KCNH5: variants seen among roughly 807,000 people sequenced by gnomAD.
KCNH5 encodes the protein potassium voltage-gated channel subfamily H member 5, also known as voltage-gated delayed rectifier potassium channel KCNH5.
Under a neutral mutation model 96.1 loss-of-function variants are expected in KCNH5, and 46 were observed. The observed-to-expected ratio is 0.48, with a 90% CI of 0.38 to 0.61. KCNH5 has a LOEUF of 0.61. Among genes scored for constraint, KCNH5 ranks in the 20% least tolerant of loss-of-function variants. The probability of loss-of-function intolerance (pLI) is 0.00; values close to 1 mark genes in which losing one functional copy is unlikely to be tolerated. For synonymous variants in KCNH5, 439 were observed against 449.8 expected, an observed-to-expected ratio of 0.98 and a Z score of 0.30; for missense variants, 907 against 1,225.8, an observed-to-expected ratio of 0.74 and a Z score of 3.88.
intron 6 of KCNH5, among the ~76,000 whole-genome samples, chr14:62,953,092 T>A (rs554046692): frequency 5.9e-5 from 9 of 151,744 alleles, no homozygotes; most frequent in African/African-American, 2.2e-4. Context: ...TTAAACATTA[T>A]AAAATGTTTT....
At chr14:63,040,331 T>C (rs919273701) in intron 1 of KCNH5, among the ~76,000 whole-genome samples, 7 of 152,100 alleles carry the variant, frequency 4.6e-5, no homozygotes, top group Non-Finnish European at 8.8e-5. Context: ...TAACAGTATC[T>C]TAGAATAAGC....
At chr14:62,783,080 AT>A (rs1886252410) in intron 9 of KCNH5, among the ~76,000 whole-genome samples, 1 of 152,224 alleles carries the variant, frequency 6.6e-6, no homozygotes, top group African/African-American at 2.4e-5. Flanking sequence ...ACAAGGTATC[AT>A]AAATTTTACA....
chr14:62,858,910 G>A (rs1348897603), intron 7 of KCNH5, among the ~76,000 whole-genome samples: 1 of 152,130 alleles, frequency 6.6e-6, no homozygotes, highest in Non-Finnish European at 1.5e-5. Flanking sequence ...TATTCATCCA[G>A]CTGCCTCAGG....
chr14:62,856,726 AC>A (rs1471906437), intron 7 of KCNH5, among the ~76,000 whole-genome samples: 2 of 151,710 alleles, frequency 1.3e-5, no homozygotes. Flanking sequence ...TTTTGCAGTG[AC>A]CCATATATGT....
intron 9 of KCNH5, among the ~76,000 whole-genome samples, chr14:62,787,870 C>T (rs1056508025): frequency 6.6e-6 from 1 of 152,186 alleles, no homozygotes; most frequent in East Asian, 1.9e-4. Context: ...AAAAAAGATT[C>T]ATTTGAAAAT....
At chr14:62,863,226 C>T (rs76486665) in intron 7 of KCNH5, among the ~76,000 whole-genome samples, 3 of 152,134 alleles carry the variant, frequency 2.0e-5, no homozygotes, top group African/African-American at 7.2e-5. Context: ...CATAACTATG[C>T]TATATTTACA....
Position 63,031,922 on chromosome 14 carries a change from G to A in KCNH5, c.73+13192C>T, listed in dbSNP as rs961706. Among the ~76,000 whole-genome samples, 684 of 151,944 alleles carry A rather than the reference G, an allele frequency of 4.5e-3. 2 individuals carry two copies. Among genetic ancestry groups the A allele is most frequent in the East Asian group, 0.011 (58 of 5,160 alleles). ...AAAAAGGGTGGAACAGCTTTTTAGGGGGTTAAGCCTCTGGCTCCCTCTCCT... is the reference window on the plus strand; with the variant it reads ...AAAAAGGGTGGAACAGCTTTTTAGGAGGTTAAGCCTCTGGCTCCCTCTCCT... On this transcript the variant is annotated intron_variant, in intron 1 of 10. Transcript: ENST00000322893.
intron 7 of KCNH5, among the ~76,000 whole-genome samples, chr14:62,917,173 G>C (rs1262521381): frequency 6.6e-6 from 1 of 152,156 alleles, no homozygotes; most frequent in Non-Finnish European, 1.5e-5. Flanking sequence ...AAGATCTGCT[G>C]TACCTAATAC....
At chr14:62,961,673 T>C (rs1205507717) in intron 6 of KCNH5, among the ~76,000 whole-genome samples, 2 of 151,776 alleles carry the variant, frequency 1.3e-5, no homozygotes, top group African/African-American at 4.8e-5. Context: ...ATGATGGACA[T>C]GAAAATGGAA....
chr14:62,861,570 T>C (rs1566685549), intron 7 of KCNH5, among the ~76,000 whole-genome samples: 1 of 152,028 alleles, frequency 6.6e-6, no homozygotes, highest in Non-Finnish European at 1.5e-5. Flanking sequence ...TTGTCGCTTC[T>C]ATTTTGTTTC....
chr14:62,993,009 T>G lies in KCNH5; in HGVS notation c.434-5822A>C, dbSNP rs999558538. Among the ~76,000 whole-genome samples the G allele has an allele frequency of 2.0e-5, 3 of 151,952 alleles. No individual in the cohort carries two copies. In the East Asian group the frequency reaches 5.8e-4, roughly 29 times the overall value. ...TTGTATATGACAAGAGATAGGGGGG[T>G]CCTGTTTCATTCTTCTGCATATGGC... On this transcript the variant is annotated intron_variant, in intron 4 of 10. Transcript: ENST00000322893.
chr14:62,917,618 G>T (rs1325961689), intron 7 of KCNH5, among the ~76,000 whole-genome samples: 1 of 152,132 alleles, frequency 6.6e-6, no homozygotes, highest in African/African-American at 2.4e-5. Flanking sequence ...CTATTTATTA[G>T]AAATGAGATG....
chr14:62,745,600 C>T (rs1347456521), intron 10 of KCNH5, among the ~76,000 whole-genome samples: 1 of 152,134 alleles, frequency 6.6e-6, no homozygotes, highest in African/African-American at 2.4e-5. Context: ...AGAGAGACTC[C>T]AAACATCATG....
intron 10 of KCNH5, among the ~76,000 whole-genome samples, chr14:62,775,852 T>G (rs1219075058): frequency 6.6e-6 from 1 of 152,234 alleles, no homozygotes; most frequent in Non-Finnish European, 1.5e-5. Context: ...TTTCTTTATG[T>G]ATTATCTACA....
intron 7 of KCNH5, among the ~76,000 whole-genome samples, chr14:62,856,420 T>C (rs916080032): frequency 4.6e-5 from 7 of 152,222 alleles, no homozygotes; most frequent in Non-Finnish European, 7.3e-5. Flanking sequence ...GTTTAAACTA[T>C]TGATATGATA....
intron 1 of KCNH5, among the ~76,000 whole-genome samples, chr14:63,040,118 G>A (rs1397780165): frequency 6.6e-6 from 1 of 151,982 alleles, no homozygotes; most frequent in Non-Finnish European, 1.5e-5. Flanking sequence ...GATAAACACT[G>A]ACTAAACTAA....
chr14:62,998,612 G>C (rs575353697), intron 4 of KCNH5, among the ~76,000 whole-genome samples: 1 of 151,914 alleles, frequency 6.6e-6, no homozygotes, highest in South Asian at 2.1e-4. Context: ...TTCCCTCTAA[G>C]CACTGCTTTT....
chr14:62,849,961 G>T, intron 7 of KCNH5, 109 bp from the exon 8 acceptor site: 1 of 855,098 alleles, frequency 1.2e-6, no homozygotes. Context: ...TAAACTTGCA[G>T]GGGTAAATAC....
chr14:62,973,504 A>G (rs895491143), intron 6 of KCNH5, among the ~76,000 whole-genome samples: 7 of 152,152 alleles, frequency 4.6e-5, no homozygotes, highest in African/African-American at 7.2e-5. Flanking sequence ...GTCTTCTGCT[A>G]CATGAAGACA....
Sources: allele counts gnomAD v4.1 joint callset (sites outside exome capture counted in the v4.1 genomes callset), GRCh38; gene constraint gnomAD v4.1.1; transcripts MANE v1.5; gene names NCBI Gene and HGNC (gene_info 2026-07-23, HGNC 2026-07-21).